ODF1: variants seen among roughly 807,000 people sequenced by gnomAD.
ODF1 encodes outer dense fiber protein 1.
In ODF1, 10 loss-of-function variants were observed where a neutral mutation model predicts 24.0. That is an observed-to-expected ratio of 0.42 (90% CI 0.26 to 0.71). The LOEUF (loss-of-function observed/expected upper bound fraction) is 0.71, where lower values mean the gene tolerates loss of function less well. Among genes scored for constraint, ODF1 ranks in the 30% least tolerant of loss-of-function variants. The pLI is 0.28. For synonymous variants in ODF1, 118 were observed against 121.3 expected (o/e 0.97, Z 0.18); for missense variants, 282 against 307.9 (o/e 0.92, Z 0.63).
chr8:102,554,843 A>T (rs919955), intron 1 of ODF1, among the ~76,000 whole-genome samples: 12 of 152,154 alleles, frequency 7.9e-5, no homozygotes, highest in East Asian at 3.9e-4. Flanking sequence ...TTGTGGTCCC[A>T]GGTACTCAGG....
chr8:102,552,463 T>C (rs1483101394), intron 1 of ODF1, among the ~76,000 whole-genome samples: 1 of 152,078 alleles, frequency 6.6e-6, no homozygotes, highest in Non-Finnish European at 1.5e-5. Context: ...GATCAAATCC[T>C]TAATGTGTGC....
Position 102,551,824 on chromosome 8 carries a change from A to G in ODF1, c.97A>G (p.Thr33Ala), listed in dbSNP as rs989769146. The G allele has an allele frequency of 1.3e-5, 21 of 1,614,182 alleles. No homozygotes were observed. Among genetic ancestry groups the G allele is most frequent in the Non-Finnish European group, 1.8e-5 (21 of 1,180,038 alleles). ...RQLRCIDEFSTRCLCDLYMHP... is the reference protein window; with the variant it reads ...RQLRCIDEFSARCLCDLYMHP... ...ACTGAGATGCATCGACGAATTTAGC[A>G]CACGGTGCCTGTGCGACTTGTATAT... Residue 33 changes from threonine (T) to alanine (A), a missense_variant, in exon 1 of 2, where the codon ACA (threonine) becomes GCA (alanine). Physicochemically the swap from Thr to Ala is moderately conservative, Grantham distance 58. Coordinates refer to ENST00000285402, the MANE Select transcript of ODF1 (RefSeq NM_024410.4).
chr8:102,556,879 G>T (rs1826117843), intron 1 of ODF1, among the ~76,000 whole-genome samples: 1 of 152,198 alleles, frequency 6.6e-6, no homozygotes, highest in South Asian at 2.1e-4. Flanking sequence ...GAAGCCTAGA[G>T]GAAGGCCTGC....
At position 102,559,302 on chromosome 8, in the gene ODF1, C is replaced by T. The variant is rs529718839; in HGVS notation, c.321-1150C>T. ...GGCACTTTGCTTTACTACCTCTTGACGGATCATAACTGATCAATTAGTGTG... is the reference window on the plus strand; with the variant it reads ...GGCACTTTGCTTTACTACCTCTTGATGGATCATAACTGATCAATTAGTGTG... On this transcript the variant is annotated intron_variant, in intron 1 of 1. Transcript: ENST00000285402. Among the ~76,000 whole-genome samples, 445 of 151,504 alleles carry T rather than the reference C, an allele frequency of 2.9e-3. 27 individuals carry two copies. The highest frequency in any genetic ancestry group is 0.011 in the African/African-American group (430 of 40,936).
chr8:102,553,137 C>T (rs1241195447), intron 1 of ODF1, among the ~76,000 whole-genome samples: 4 of 147,974 alleles, frequency 2.7e-5, no homozygotes, highest in Non-Finnish European at 1.5e-5. Flanking sequence ...CGGAGGCGGG[C>T]AGATCACCTG....
intron 1 of ODF1, among the ~76,000 whole-genome samples, chr8:102,552,914 C>T (rs1436135416): frequency 2.6e-5 from 4 of 151,972 alleles, no homozygotes; most frequent in African/African-American, 9.7e-5. Context: ...ATTGATGAAG[C>T]ATCTTACATA....
chr8:102,558,698 T>C (rs1826142507), intron 1 of ODF1, among the ~76,000 whole-genome samples: 1 of 151,650 alleles, frequency 6.6e-6, no homozygotes, highest in Non-Finnish European at 1.5e-5. Flanking sequence ...TATAGCATGA[T>C]TTCATAAGAA....
intron 1 of ODF1, among the ~76,000 whole-genome samples, chr8:102,559,239 T>G (rs532205874): frequency 6.6e-6 from 1 of 151,532 alleles, no homozygotes; most frequent in African/African-American, 2.4e-5. Context: ...AGAGCCAAGC[T>G]TTAAACCTCG....
In ODF1 at chr8:102,558,773, TACTC is replaced by T. The variant is rs143549782; in HGVS notation, c.321-1676_321-1673del. Among the ~76,000 whole-genome samples, 349 of 147,272 alleles carry T rather than the reference TACTC, an allele frequency of 2.4e-3. 16 individuals carry two copies. Among genetic ancestry groups the T allele is most frequent in the African/African-American group, 8.4e-3 (312 of 37,194 alleles). ...ACACACACACACACACACAGACACA[TACTC>T]ACACACACACTCACATAAAGTCAAA... On this transcript the variant is annotated intron_variant, in intron 1 of 1. Coordinates refer to ENST00000285402, the MANE Select transcript of ODF1 (RefSeq NM_024410.4).
chr8:102,560,303 T>A (rs148645787), intron 1 of ODF1, 149 bp from the exon 2 acceptor site: 8,810 of 712,248 alleles, frequency 0.012, 89 homozygotes, highest in Non-Finnish European at 0.016. Flanking sequence ...CACTTTTTAC[T>A]TCATGCATTT....
chr8:102,557,645 G>A (rs117718626), intron 1 of ODF1, among the ~76,000 whole-genome samples: 59 of 152,390 alleles, frequency 3.9e-4, no homozygotes, highest in African/African-American at 1.2e-3. Flanking sequence ...GAGGTCAAGA[G>A]GGCTTTGCCA....
intron 1 of ODF1, among the ~76,000 whole-genome samples, chr8:102,554,454 CTA>C (rs1826084988): frequency 6.6e-6 from 1 of 152,194 alleles, no homozygotes; most frequent in Non-Finnish European, 1.5e-5. Context: ...AGTAAAGACT[CTA>C]TAGTCTATAG....
Position 102,552,010 on chromosome 8 carries a change from A to G in ODF1, c.283A>G (p.Ile95Val). ...TCTCAGAAGTTTGGAGAGGAAAGCC[A>G]TCAGAGCCATAGAAGATGAGAAGCG... ...PSLRSLERKA[I>V]RAIEDEKREL... The change falls in exon 1 of 2, where the codon ATC (isoleucine) becomes GTC (valine). Residue 95 changes from isoleucine to valine, a missense_variant. Ile to Val is a conservative substitution (Grantham distance 29). Transcript: ENST00000285402. 6.2e-7 allele frequency: 1 copy of G among 1,608,828 alleles called. No individual in the cohort carries two copies. Among genetic ancestry groups the G allele is most frequent in the Non-Finnish European group, 8.5e-7 (1 of 1,175,706 alleles).
intron 1 of ODF1, 32 bp from the exon 2 acceptor site, chr8:102,560,420 C>T (rs142396309): frequency 2.0e-5 from 32 of 1,586,876 alleles, no homozygotes; most frequent in African/African-American, 2.7e-5. Flanking sequence ...GGTCTGAGCT[C>T]CCTCCCACCC....
intron 1 of ODF1, among the ~76,000 whole-genome samples, chr8:102,560,215 T>G (rs1826161198): frequency 6.8e-6 from 1 of 147,630 alleles, no homozygotes; most frequent in Non-Finnish European, 1.5e-5. Context: ...GAGAGAAGAT[T>G]TGGAAGGGCA....
At position 102,558,247 on chromosome 8, in the gene ODF1, C is replaced by T. The variant is rs536300069; in HGVS notation, c.321-2205C>T. On this transcript the variant is annotated intron_variant, in intron 1 of 1. Transcript: ENST00000285402. Reference sequence around the variant, plus strand: ...TGGGCGGATCACAAGGTCAGGAGATCGAGACCATCCTGGCTAACACGGTGA... The same window carrying T: ...TGGGCGGATCACAAGGTCAGGAGATTGAGACCATCCTGGCTAACACGGTGA... 1.7e-4 allele frequency among the ~76,000 whole-genome samples: 26 copies of T among 152,184 alleles called. No individual in the cohort carries two copies. In the South Asian group the frequency reaches 3.7e-3, roughly 22 times the overall value.
chr8:102,559,675 C>A (rs1053048120), intron 1 of ODF1, among the ~76,000 whole-genome samples: 3 of 151,472 alleles, frequency 2.0e-5, no homozygotes, highest in Non-Finnish European at 4.4e-5. Flanking sequence ...GAGTGACTTC[C>A]CAGCCTGGAG....
At chr8:102,557,885 C>G (rs1356698161) in intron 1 of ODF1, among the ~76,000 whole-genome samples, 1 of 152,238 alleles carries the variant, frequency 6.6e-6, no homozygotes, top group East Asian at 1.9e-4. Context: ...TTCCCCTTGG[C>G]CTTGGCTGCT....
intron 1 of ODF1, among the ~76,000 whole-genome samples, chr8:102,552,851 G>A (rs924453066): frequency 2.6e-5 from 4 of 152,066 alleles, no homozygotes; most frequent in South Asian, 4.2e-4. Context: ...TGCTGTCCCT[G>A]GTTAAATAAA....
Sources: allele counts gnomAD v4.1 joint callset (sites outside exome capture counted in the v4.1 genomes callset), GRCh38; gene constraint gnomAD v4.1.1; transcripts MANE v1.5; gene names NCBI Gene and HGNC (gene_info 2026-07-23, HGNC 2026-07-21).